The following CDH12 variants were observed in gnomAD, a reference collection of about 807,000 sequenced individuals.
The protein encoded by CDH12 is cadherin 12.
A neutral mutation model predicts 74.1 loss-of-function variants in CDH12; 41 were observed. The observed-to-expected ratio is 0.55, with a 90% CI of 0.43 to 0.72. The LOEUF (loss-of-function observed/expected upper bound fraction) is 0.72. Ranked by LOEUF, CDH12 falls within the 30% of genes least tolerant of loss-of-function variation. CDH12 has a pLI of 0.00. For synonymous variants in CDH12, 399 were observed against 355.0 expected (o/e 1.12, Z -1.39); for missense variants, 945 against 977.2 (o/e 0.97, Z 0.44).
At chr5:21,883,453 T>G in intron 6 of CDH12, 1 of 1,610,610 alleles carries the variant, frequency 6.2e-7, no homozygotes, top group Non-Finnish European at 8.5e-7. Flanking sequence ...ACACTCATCT[T>G]GAATAGGCTA....
In CDH12 at chr5:22,756,509, T is replaced by G. The variant is rs563569005; in HGVS notation, c.-523+96549A>C. On this transcript the variant is annotated intron_variant, in intron 1 of 14. Transcript: ENST00000382254. Reference sequence around the variant, plus strand: ...TGTGAAGAATATTAAAAAGAGAATATTTCAAAAGACTTATTTTGTTATCCA... The same window carrying G: ...TGTGAAGAATATTAAAAAGAGAATAGTTCAAAAGACTTATTTTGTTATCCA... Among the ~76,000 whole-genome samples the G allele has an allele frequency of 7.2e-5, 11 of 152,290 alleles. No homozygotes were observed. In the South Asian group the frequency reaches 2.3e-3, roughly 32 times the overall value.
At chr5:22,054,056 G>T (rs767219959) in intron 5 of CDH12, among the ~76,000 whole-genome samples, 25 of 151,874 alleles carry the variant, frequency 1.6e-4, no homozygotes, top group Non-Finnish European at 2.5e-4. Context: ...TTATTTACTT[G>T]GTTGTGCTCA....
At chr5:22,391,728 A>G (rs1292757382) in intron 3 of CDH12, among the ~76,000 whole-genome samples, 1 of 152,128 alleles carries the variant, frequency 6.6e-6, no homozygotes, top group Non-Finnish European at 1.5e-5. Flanking sequence ...CTGAATAAGC[A>G]CTCATTTAAA....
chr5:21,970,882 G>GA (rs1756824346), intron 6 of CDH12, among the ~76,000 whole-genome samples: 1 of 74,348 alleles, frequency 1.3e-5, no homozygotes, highest in Non-Finnish European at 2.8e-5. Flanking sequence ...AAAGAAAAAA[G>GA]AAAATAGTCT....
At chr5:22,732,471 T>TATATAC (rs1193680928) in intron 1 of CDH12, among the ~76,000 whole-genome samples, 1 of 72,666 alleles carries the variant, frequency 1.4e-5, no homozygotes, top group African/African-American at 5.0e-5. Flanking sequence ...TATATATATA[T>TATATAC]ACACACACAC....
At chr5:22,473,328 C>A (rs1453425853) in intron 2 of CDH12, among the ~76,000 whole-genome samples, 1 of 152,098 alleles carries the variant, frequency 6.6e-6, no homozygotes, top group Admixed American at 6.6e-5. Flanking sequence ...CCTATTAACA[C>A]ACACTACATG....
intron 6 of CDH12, among the ~76,000 whole-genome samples, chr5:21,969,291 G>A (rs551666753): frequency 6.6e-6 from 1 of 152,236 alleles, no homozygotes; most frequent in East Asian, 1.9e-4. Context: ...TATATTGCAT[G>A]ACAGAGCAAC....
At chr5:22,686,119 A>G (rs936119558) in intron 1 of CDH12, among the ~76,000 whole-genome samples, 1 of 151,940 alleles carries the variant, frequency 6.6e-6, no homozygotes, top group African/African-American at 2.4e-5. Flanking sequence ...TTACATTGTG[A>G]TTTTTATTTG....
At chr5:22,679,051 CA>C (rs1172676309) in intron 1 of CDH12, among the ~76,000 whole-genome samples, 2 of 152,126 alleles carry the variant, frequency 1.3e-5, no homozygotes, top group Non-Finnish European at 2.9e-5. Context: ...GGCATATGCA[CA>C]TTAATCACCA....
chr5:21,836,135 T>C (rs1203679823), intron 8 of CDH12, among the ~76,000 whole-genome samples: 1 of 151,824 alleles, frequency 6.6e-6, no homozygotes, highest in African/African-American at 2.4e-5. Flanking sequence ...TTTATGTTAA[T>C]TTCAGAATAA....
intron 3 of CDH12, among the ~76,000 whole-genome samples, chr5:22,380,520 T>C (rs1741714441): frequency 8.5e-6 from 1 of 117,566 alleles, no homozygotes; most frequent in Admixed American, 1.0e-4. Flanking sequence ...CTTATCATTT[T>C]ATGTAATATA....
intron 2 of CDH12, among the ~76,000 whole-genome samples, chr5:22,449,295 T>A (rs1744951059): frequency 6.6e-6 from 1 of 152,028 alleles, no homozygotes; most frequent in Non-Finnish European, 1.5e-5. Flanking sequence ...CTTGTTTTGA[T>A]GCAATGTGAG....
intron 7 of CDH12, among the ~76,000 whole-genome samples, 177 bp from the exon 8 acceptor site, chr5:21,842,505 T>C (rs1264013973): frequency 6.6e-6 from 1 of 152,080 alleles, no homozygotes; most frequent in Non-Finnish European, 1.5e-5. Context: ...AGGACATAAT[T>C]TAAAATATTA....
At chr5:21,933,915 T>C (rs1754958582) in intron 6 of CDH12, among the ~76,000 whole-genome samples, 1 of 152,210 alleles carries the variant, frequency 6.6e-6, no homozygotes. Context: ...AAGATAAAAC[T>C]AACAGAAAGC....
chr5:21,828,266 T>C (rs1748794804), intron 8 of CDH12, among the ~76,000 whole-genome samples: 1 of 151,956 alleles, frequency 6.6e-6, no homozygotes, highest in Non-Finnish European at 1.5e-5. Context: ...GGGGCTACAG[T>C]TGCATGCCAC....
intron 2 of CDH12, among the ~76,000 whole-genome samples, chr5:22,498,658 A>T (rs886719151): frequency 4.6e-5 from 7 of 151,950 alleles, no homozygotes; most frequent in African/African-American, 1.7e-4. Flanking sequence ...ATGATATATA[A>T]TATTATTTCT....
chr5:22,111,148 T>A (rs1158361855), intron 4 of CDH12, among the ~76,000 whole-genome samples: 1 of 152,116 alleles, frequency 6.6e-6, no homozygotes, highest in Non-Finnish European at 1.5e-5. Flanking sequence ...TTTTATTTTC[T>A]TGGGTGGGTG....
chr5:22,050,030 T>G (rs937510779), intron 5 of CDH12, among the ~76,000 whole-genome samples: 3 of 152,122 alleles, frequency 2.0e-5, no homozygotes, highest in Admixed American at 2.0e-4. Context: ...GCTGGTGCAT[T>G]TCAAACACTT....
intron 6 of CDH12, among the ~76,000 whole-genome samples, chr5:21,902,868 C>T (rs1753463339): frequency 6.6e-6 from 1 of 151,914 alleles, no homozygotes; most frequent in African/African-American, 2.4e-5. Context: ...CACTTGTATG[C>T]TGATTTAAAG....
Sources: allele counts gnomAD v4.1 joint callset (sites outside exome capture counted in the v4.1 genomes callset), GRCh38; gene constraint gnomAD v4.1.1; transcripts MANE v1.5; gene names NCBI Gene and HGNC (gene_info 2026-07-23, HGNC 2026-07-21).